PKD1L1: variants seen among roughly 807,000 people sequenced by gnomAD.
PKD1L1 encodes the protein polycystin 1 like 1, transient receptor potential channel interacting, also known as polycystin-1-like protein 1.
In PKD1L1, 236 loss-of-function variants were observed where a neutral mutation model predicts 323.4. That is an observed-to-expected ratio of 0.73 (90% CI 0.66 to 0.81). The LOEUF is 0.81. PKD1L1 is among the 40% of genes least tolerant of loss of function. PKD1L1 has a pLI of 0.00. For missense variants in PKD1L1, 3,320 were observed against 3,508.0 expected (o/e 0.95, Z 1.35); for synonymous variants, 1,344 against 1,335.0 (o/e 1.01, Z -0.15).
At chr7:47,852,925 T>C (rs961941122) in intron 31 of PKD1L1, among the ~76,000 whole-genome samples, 4 of 152,114 alleles carry the variant, frequency 2.6e-5, no homozygotes, top group African/African-American at 7.2e-5. Context: ...CACCAGCCAC[T>C]GCATCACAAG....
the PKD1L1 span, among the ~76,000 whole-genome samples, chr7:47,958,694 T>A: frequency 1.3e-5 from 2 of 152,178 alleles, no homozygotes; most frequent in African/African-American, 4.8e-5. Context: ...AAAGTATACA[T>A]CCAACAAAGG....
Position 47,796,290 on chromosome 7 carries a change from G to C in PKD1L1, c.8194-140C>G, listed in dbSNP as rs1338514824. 1.1e-5 allele frequency: 9 copies of C among 804,352 alleles called. No individual in the cohort carries two copies. The Admixed American group carries it at 3.1e-4, about 28-fold the overall frequency. The allele number at this position is 804,352 out of a possible 1,614,324, so 49.8% of individuals were successfully genotyped here. A position where few individuals can be genotyped will look rare whatever the true frequency, so the allele number is the denominator to read the frequency against. On this transcript the variant is annotated intron_variant, in intron 54 of 56. Coordinates refer to ENST00000289672, the MANE Select transcript of PKD1L1 (RefSeq NM_138295.5). ...CTTTTGGTAAAATAGTGATTTCTTGGTGAAAAAAAGCAAAATCAGGAAAAT... is the reference window on the plus strand; with the variant it reads ...CTTTTGGTAAAATAGTGATTTCTTGCTGAAAAAAAGCAAAATCAGGAAAAT...
rs1474858884 is a variant in PKD1L1 at position 47,855,035 on chromosome 7, T to C, written c.4706A>G (p.Asn1569Ser). The change falls in exon 30 of 57, where the codon AAT becomes AGT. Residue 1569 changes from asparagine to serine, a missense_variant. Transcript: ENST00000289672. ...TACAAATGTCGTTTTATTTCTCCTA[T>C]TATCCTGTCATCACAAAGAAAACAA... is the stretch of plus-strand genomic sequence containing the variant. Reference protein sequence around the residue: ...VEFGEEDGLDNRRNKTTFVLL... With the variant: ...VEFGEEDGLDSRRNKTTFVLL... 3 of 1,611,918 alleles carry C rather than the reference T, an allele frequency of 1.9e-6. No individual in the cohort carries two copies. The highest frequency in any genetic ancestry group is 2.5e-6 in the Non-Finnish European group (3 of 1,179,216).
intron 26 of PKD1L1, among the ~76,000 whole-genome samples, chr7:47,863,757 G>A (rs868415508): frequency 1.3e-5 from 2 of 152,064 alleles, no homozygotes; most frequent in South Asian, 2.1e-4. Context: ...GTGTGGTGAC[G>A]TGCATCTGTG....
At chr7:47,853,653 G>A (rs1186158343) in intron 30 of PKD1L1, among the ~76,000 whole-genome samples, 1 of 150,672 alleles carries the variant, frequency 6.6e-6, no homozygotes, top group Non-Finnish European at 1.5e-5. Context: ...TGAGGCAGGA[G>A]AATCACTTGA....
In PKD1L1 at chr7:47,855,239, G is replaced by C. The variant is rs1562960309; in HGVS notation, c.4617C>G (p.Leu1539=). Residue 1539 remains leucine (L), a synonymous_variant, in exon 29 of 57, where the codon CTC becomes CTG. Transcript: ENST00000289672. ...GQIGGVVGLN[L]YTCSSRRPIN... ...TGGGTCTTCTGCTGGAGCAGGTATA[G>C]AGGTTGAGGCCCACAACTCCACCAA... 6.2e-7 allele frequency: 1 copy of C among 1,613,990 alleles called. No homozygotes were observed. Among genetic ancestry groups the C allele is most frequent in the East Asian group, 2.2e-5 (1 of 44,864 alleles).
At chr7:47,934,057 T>C (rs912381965) in intron 4 of PKD1L1, among the ~76,000 whole-genome samples, 1 of 152,260 alleles carries the variant, frequency 6.6e-6, no homozygotes, top group African/African-American at 2.4e-5. Flanking sequence ...TGATGTTAAA[T>C]GTTACTTTGT....
rs1304668511 is a variant in PKD1L1, at chr7:47,855,217, G to T, written c.4639C>A (p.Pro1547Thr). The change falls in exon 29 of 57, where the codon CCC becomes ACC. Residue 1547 changes from proline (P) to threonine (T), a missense_variant. Coordinates refer to ENST00000289672, the MANE Select transcript of PKD1L1 (RefSeq NM_138295.5). ...TTCCTTAGCCATTGCCTGTTGATGG[G>T]TCTTCTGCTGGAGCAGGTATAGAGG... ...LNLYTCSSRR[P>T]INRQWLRKPV... 1.1e-5 allele frequency: 17 copies of T among 1,614,040 alleles called. No individual in the cohort carries two copies. The highest frequency in any genetic ancestry group is 2.2e-5 in the East Asian group (1 of 44,872).
At chr7:47,958,418 C>A in the PKD1L1 span, among the ~76,000 whole-genome samples, 1 of 152,138 alleles carries the variant, frequency 6.6e-6, no homozygotes, top group East Asian at 1.9e-4. Flanking sequence ...CCCTTATCTC[C>A]CACCATATAC....
chr7:47,826,785 A>G (rs1187818827), intron 45 of PKD1L1, among the ~76,000 whole-genome samples: 1 of 152,352 alleles, frequency 6.6e-6, no homozygotes, highest in Admixed American at 6.5e-5. Context: ...TTGCCACAGC[A>G]TGATAGTTCT....
At chr7:47,800,091 C>T (rs1380751814) in intron 54 of PKD1L1, among the ~76,000 whole-genome samples, 1 of 152,130 alleles carries the variant, frequency 6.6e-6, no homozygotes, top group African/African-American at 2.4e-5. Context: ...TCTGTTGACC[C>T]CAAGTCCAGG....
chr7:47,904,099 T>A (rs1195970451), intron 12 of PKD1L1, among the ~76,000 whole-genome samples: 2 of 152,192 alleles, frequency 1.3e-5, no homozygotes, highest in African/African-American at 4.8e-5. Context: ...GTCAAGCTCC[T>A]ACTCAAGATA....
At chr7:47,808,684 C>T (rs1221724122) in intron 51 of PKD1L1, among the ~76,000 whole-genome samples, 1 of 152,124 alleles carries the variant, frequency 6.6e-6, no homozygotes, top group Non-Finnish European at 1.5e-5. Context: ...ATGGTAAGTG[C>T]TGGTGTATCT....
the PKD1L1 span, among the ~76,000 whole-genome samples, chr7:47,960,792 T>C: frequency 1.3e-5 from 2 of 151,116 alleles, no homozygotes; most frequent in Non-Finnish European, 2.9e-5. Context: ...ACATCACTAA[T>C]CATTAAGAAA....
intron 4 of PKD1L1, among the ~76,000 whole-genome samples, chr7:47,933,483 C>T (rs938802760): frequency 3.3e-5 from 5 of 152,096 alleles, no homozygotes; most frequent in Non-Finnish European, 7.4e-5. Flanking sequence ...TTAACTTTGC[C>T]TCGGTTTCTT....
intron 18 of PKD1L1, among the ~76,000 whole-genome samples, chr7:47,885,023 CTCTTT>C (rs1786651754): frequency 6.6e-6 from 1 of 152,210 alleles, no homozygotes; most frequent in Non-Finnish European, 1.5e-5. Context: ...AAATGTCTCA[CTCTTT>C]TCTTTTAGAA....
chr7:47,877,231 C>T (rs1254669454), intron 22 of PKD1L1, among the ~76,000 whole-genome samples: 3 of 152,132 alleles, frequency 2.0e-5, no homozygotes, highest in South Asian at 4.1e-4. Context: ...GCAGGGCAGA[C>T]GACTCCTGGT....
intron 46 of PKD1L1, among the ~76,000 whole-genome samples, chr7:47,817,110 G>A (rs190949070): frequency 1.2e-4 from 18 of 152,206 alleles, no homozygotes; most frequent in Non-Finnish European, 2.5e-4. Context: ...GATGGTACGC[G>A]CCTGTAATCC....
intron 7 of PKD1L1, among the ~76,000 whole-genome samples, chr7:47,921,274 A>C (rs1787531412): frequency 1.4e-5 from 2 of 147,526 alleles, no homozygotes; most frequent in Admixed American, 1.3e-4. Context: ...ACAAATGGCC[A>C]GCAAACATAT....
Sources: gnomAD v4.1 joint callset for allele counts (sites outside exome capture counted in the v4.1 genomes callset) on GRCh38, gnomAD v4.1.1 for gene constraint, MANE v1.5 for transcripts, NCBI Gene and HGNC (gene_info 2026-07-23, HGNC 2026-07-21) for gene names.